The following PUS10 variants were observed in gnomAD, a reference collection of about 807,000 sequenced individuals.
PUS10 encodes tRNA pseudouridine synthase Pus10.
In PUS10, 59 loss-of-function variants were observed where a neutral mutation model predicts 75.0. That is an observed-to-expected ratio of 0.79 (90% CI 0.64 to 0.98). The LOEUF is 0.98. Among genes scored for constraint, PUS10 ranks in the 50% least tolerant of loss-of-function variants. PUS10 has a pLI of 0.00. For missense variants in PUS10, 650 were observed against 614.4 expected (o/e 1.06, Z -0.61); for synonymous variants, 219 against 211.6 (o/e 1.03, Z -0.30).
At chr2:61,005,691 C>T (rs1013500880) in intron 4 of PUS10, among the ~76,000 whole-genome samples, 2 of 152,200 alleles carry the variant, frequency 1.3e-5, no homozygotes, top group Admixed American at 1.3e-4. Context: ...TCATCATCCC[C>T]TTTATTTTTC....
At chr2:60,995,488 A>C (rs1320909715) in intron 4 of PUS10, among the ~76,000 whole-genome samples, 2 of 152,258 alleles carry the variant, frequency 1.3e-5, no homozygotes, top group African/African-American at 2.4e-5. Flanking sequence ...TCTAAAACAC[A>C]GTGGTGGTAT....
At chr2:60,985,037 A>G (rs1432833794) in intron 4 of PUS10, among the ~76,000 whole-genome samples, 1 of 152,224 alleles carries the variant, frequency 6.6e-6, no homozygotes, top group Non-Finnish European at 1.5e-5. Context: ...AATTTAAAAA[A>G]GAAAAAAATT....
chr2:60,995,142 T>C (rs950212476), intron 4 of PUS10, among the ~76,000 whole-genome samples: 1 of 152,160 alleles, frequency 6.6e-6, no homozygotes, highest in Non-Finnish European at 1.5e-5. Context: ...AAATCCTAGC[T>C]CTGCTATTTA....
chr2:60,960,343 CAAAAA>C (rs375391646), intron 11 of PUS10, 44 bp downstream of exon 11: 438 of 1,137,602 alleles, frequency 3.9e-4, no homozygotes, highest in South Asian at 8.5e-4. Flanking sequence ...GCCCCTATCT[CAAAAA>C]AAAAAAAAAA....
chr2:60,947,102 G>T lies in PUS10; in HGVS notation c.1451+941C>A, dbSNP rs367569752. 3.8e-4 allele frequency among the ~76,000 whole-genome samples: 58 copies of T among 152,256 alleles called. 1 individual carries two copies. The South Asian group carries it at 0.011, about 28-fold the overall frequency. ...GATTACGAACAAATTATCAGCCTTG[G>T]ACTATAGATATTTTAACTCTGAATC... On this transcript the variant is annotated intron_variant, in intron 16 of 17. Transcript: ENST00000316752.
rs1489791311 is a variant in PUS10 at position 60,940,360 on chromosome 2, T to C, written c.*2035A>G. ...AGTACAAAGGGCTCTTTCTCTTAAG[T>C]GTTATGAAAAAGACTTTGAATTTAA... On this transcript the variant is annotated 3_prime_UTR_variant, in exon 18 of 18. Transcript: ENST00000316752. 1 of 152,308 alleles carries C rather than the reference T, an allele frequency of 6.6e-6. No individual in the cohort carries two copies. The highest frequency in any genetic ancestry group is 2.4e-5 in the African/African-American group (1 of 41,454). 9.4% of individuals were successfully genotyped at this position (152,308 alleles called of 1,614,324 possible).
intron 4 of PUS10, among the ~76,000 whole-genome samples, chr2:60,990,457 G>T (rs1319626131): frequency 1.3e-5 from 2 of 152,192 alleles, no homozygotes; most frequent in African/African-American, 4.8e-5. Context: ...AAGAGAGAGA[G>T]GGAATCCTGA....
At chr2:61,008,072 G>A (rs1333176067) in intron 3 of PUS10, among the ~76,000 whole-genome samples, 2 of 148,436 alleles carry the variant, frequency 1.3e-5, no homozygotes, top group Non-Finnish European at 3.0e-5. Flanking sequence ...GCGAGACTCT[G>A]TCTCCAAAAA....
At chr2:60,950,831 G>T (rs984645511) in intron 15 of PUS10, among the ~76,000 whole-genome samples, 1 of 152,132 alleles carries the variant, frequency 6.6e-6, no homozygotes, top group Non-Finnish European at 1.5e-5. Flanking sequence ...GCCACTTAAA[G>T]CCCTTAAACA....
At chr2:60,977,209 T>C (rs182415460) in intron 4 of PUS10, among the ~76,000 whole-genome samples, 1 of 152,030 alleles carries the variant, frequency 6.6e-6, no homozygotes, top group Admixed American at 6.6e-5. Context: ...TGGGTGACAG[T>C]AGGAACAGGG....
chr2:60,960,659 C>T (rs1051340173), intron 10 of PUS10, 142 bp from the exon 11 acceptor site: 8 of 624,776 alleles, frequency 1.3e-5, no homozygotes, highest in Middle Eastern at 3.3e-4. Context: ...ACTAACAATC[C>T]AATTTGGAGA....
rs551383373 is a variant in PUS10, at chr2:60,993,890, C to T, written c.468+12667G>A. ...CTGCAAGTTCCGCCTCCCATGTTCA[C>T]GCCATTCTCCTTTCTCAGCCTCCCG... On this transcript the variant is annotated intron_variant, in intron 4 of 17. Coordinates refer to ENST00000316752, the MANE Select transcript of PUS10 (RefSeq NM_144709.4). Among the ~76,000 whole-genome samples the T allele has an allele frequency of 6.6e-5, 10 of 152,114 alleles. No homozygotes were observed. The South Asian group carries it at 1.2e-3, about 19-fold the overall frequency.
chr2:61,012,851 A>T (rs1679697065), intron 1 of PUS10, among the ~76,000 whole-genome samples: 4 of 100,542 alleles, frequency 4.0e-5, no homozygotes, highest in Admixed American at 1.0e-4. Flanking sequence ...AAAAAAAAAA[A>T]AAAAAAAAAA....
At chr2:60,981,038 G>A (rs1176630914) in intron 4 of PUS10, among the ~76,000 whole-genome samples, 3 of 151,032 alleles carry the variant, frequency 2.0e-5, no homozygotes, top group Non-Finnish European at 3.0e-5. Flanking sequence ...CTACAGGCAC[G>A]CGCCACCATG....
Position 60,953,120 on chromosome 2 carries a change from C to T in PUS10, c.1191-6G>A. The T allele has an allele frequency of 1.4e-6, 2 of 1,461,074 alleles. No individual in the cohort carries two copies. The highest frequency in any genetic ancestry group is 1.9e-6 in the Non-Finnish European group (2 of 1,054,778). 90.5% of individuals were successfully genotyped at this position (1,461,074 alleles called of 1,614,324 possible). The stretch of plus-strand genomic sequence containing the variant: ...TCATATGTCCTATTGCCTCTCTAAA[C>T]AAAAACAATTTTTAGAAGTTTGTCC... On this transcript the variant is annotated splice_region_variant and splice_polypyrimidine_tract_variant and intron_variant, in intron 14 of 17. Transcript: ENST00000316752.
intron 4 of PUS10, among the ~76,000 whole-genome samples, chr2:61,002,974 A>G (rs975875900): frequency 4.6e-5 from 7 of 152,134 alleles, no homozygotes; most frequent in Admixed American, 6.5e-5. Context: ...TCTCTTCTTT[A>G]GCAGTATTAA....
chr2:60,965,715 GT>G, intron 6 of PUS10: 1 of 325,054 alleles, frequency 3.1e-6, no homozygotes, highest in South Asian at 8.1e-5. Context: ...TACCAAAAAA[GT>G]TTTAAAATAA....
chr2:61,018,039 C>T lies in PUS10; in HGVS notation c.-47G>A. On this transcript the variant is annotated 5_prime_UTR_variant, in exon 1 of 18. Coordinates refer to ENST00000316752, the MANE Select transcript of PUS10 (RefSeq NM_144709.4). The stretch of plus-strand genomic sequence containing the variant: ...GGACTTTAGTGTCTCACAGCTGTTT[C>T]TGACCCGGCAGCTCTAATCAGCAAC... 6.9e-7 allele frequency: 1 copy of T among 1,444,008 alleles called. No individual in the cohort carries two copies. Among genetic ancestry groups the T allele is most frequent in the South Asian group, 1.4e-5 (1 of 71,744 alleles). 89.4% of individuals were successfully genotyped at this position (1,444,008 alleles called of 1,614,324 possible). A position where few individuals can be genotyped will look rare whatever the true frequency, so the allele number is the denominator to read the frequency against.
At chr2:61,000,209 C>G (rs780056945) in intron 4 of PUS10, among the ~76,000 whole-genome samples, 3 of 152,120 alleles carry the variant, frequency 2.0e-5, no homozygotes, top group Non-Finnish European at 4.4e-5. Context: ...TCTAATTCCT[C>G]TTTTATAAGG....
Sources: gnomAD v4.1 joint callset for allele counts (sites outside exome capture counted in the v4.1 genomes callset) on GRCh38, gnomAD v4.1.1 for gene constraint, MANE v1.5 for transcripts, NCBI Gene and HGNC (gene_info 2026-07-23, HGNC 2026-07-21) for gene names.